Variants in PPP3R1 observed in about 807,000 individuals in gnomAD.
PPP3R1 encodes the protein protein phosphatase 3 regulatory subunit B, alpha.
In PPP3R1, 5 loss-of-function variants were observed where a neutral mutation model predicts 22.6. That is an observed-to-expected ratio of 0.22 (90% confidence interval 0.12 to 0.46). PPP3R1 has a LOEUF of 0.46. Ranked by LOEUF, PPP3R1 falls within the 20% of genes least tolerant of loss-of-function variation. PPP3R1 has a pLI of 0.99. For missense variants in PPP3R1, 61 were observed against 203.2 expected (o/e 0.30, Z 4.25); for synonymous variants, 56 against 65.2 (o/e 0.86, Z 0.68).
chr2:68,184,731 A>G (rs758777861), intron 5 of PPP3R1, among the ~76,000 whole-genome samples: 1 of 152,226 alleles, frequency 6.6e-6, no homozygotes, highest in Non-Finnish European at 1.5e-5. Flanking sequence ...TAAAAACACA[A>G]CGAACATTTT....
At chr2:68,210,564 T>C (rs942462109) in intron 2 of PPP3R1, among the ~76,000 whole-genome samples, 2 of 152,230 alleles carry the variant, frequency 1.3e-5, no homozygotes, top group African/African-American at 4.8e-5. Flanking sequence ...AGATTTCCAT[T>C]ACTTTGAAAG....
At chr2:68,217,560 G>C (rs1422009739) in intron 1 of PPP3R1, among the ~76,000 whole-genome samples, 1 of 151,936 alleles carries the variant, frequency 6.6e-6, no homozygotes, top group East Asian at 1.9e-4. Context: ...AAAATGAGCT[G>C]TTAAAAACAA....
intron 1 of PPP3R1, among the ~76,000 whole-genome samples, chr2:68,225,754 G>A (rs574072936): frequency 6.6e-6 from 1 of 152,286 alleles, no homozygotes; most frequent in South Asian, 2.1e-4. Flanking sequence ...AAGATGTAGA[G>A]CAAATGAAAA....
intron 2 of PPP3R1, among the ~76,000 whole-genome samples, chr2:68,194,880 A>T (rs1674736731): frequency 6.6e-6 from 1 of 152,154 alleles, no homozygotes; most frequent in Non-Finnish European, 1.5e-5. Context: ...TAGCTACTTT[A>T]CAAATAACTT....
At chr2:68,210,894 A>C (rs1055746107) in intron 2 of PPP3R1, among the ~76,000 whole-genome samples, 2 of 152,190 alleles carry the variant, frequency 1.3e-5, no homozygotes, top group African/African-American at 4.8e-5. Flanking sequence ...AAATTTTTAG[A>C]TTTGGGATGC....
intron 1 of PPP3R1, among the ~76,000 whole-genome samples, chr2:68,223,876 A>T (rs541187352): frequency 6.6e-6 from 1 of 152,244 alleles, no homozygotes; most frequent in African/African-American, 2.4e-5. Context: ...AGATGACATA[A>T]TTGTGTATGT....
At chr2:68,236,091 T>C (rs1670014282) in intron 1 of PPP3R1, among the ~76,000 whole-genome samples, 2 of 151,008 alleles carry the variant, frequency 1.3e-5, no homozygotes, top group African/African-American at 2.4e-5. Flanking sequence ...AAATTTCTTA[T>C]CAGATAACGA....
intron 2 of PPP3R1, among the ~76,000 whole-genome samples, chr2:68,189,638 T>G (rs896530657): frequency 2.0e-5 from 3 of 152,124 alleles, no homozygotes; most frequent in Non-Finnish European, 1.5e-5. Flanking sequence ...GAGGCCAATG[T>G]GGGCAGATTA....
intron 1 of PPP3R1, among the ~76,000 whole-genome samples, chr2:68,247,552 A>G (rs567946632): frequency 6.6e-6 from 1 of 152,334 alleles, no homozygotes; most frequent in Non-Finnish European, 1.5e-5. Flanking sequence ...GCAACATAGC[A>G]TCCCAAGCAC....
Position 68,180,838 on chromosome 2 carries a change from A to G in PPP3R1, c.*125T>C. 1 of 975,416 alleles carries G rather than the reference A, an allele frequency of 1.0e-6. No homozygotes were observed. Among genetic ancestry groups the G allele is most frequent in the Non-Finnish European group, 1.5e-6 (1 of 646,994 alleles). 60.4% of individuals were successfully genotyped at this position (975,416 alleles called of 1,614,324 possible). A position where few individuals can be genotyped will look rare whatever the true frequency, so the allele number is the denominator to read the frequency against. ...TTGGCTTCATGAGGCTCATGTTGGA[A>G]AATGTGGCTTCACAGAGAAAAATAC... On this transcript the variant is annotated 3_prime_UTR_variant, in exon 6 of 6. Coordinates refer to ENST00000234310, the MANE Select transcript of PPP3R1 (RefSeq NM_000945.4).
intron 2 of PPP3R1, among the ~76,000 whole-genome samples, chr2:68,213,202 T>C (rs912581395): frequency 1.3e-5 from 2 of 152,264 alleles, no homozygotes; most frequent in African/African-American, 2.4e-5. Flanking sequence ...TCTTGGCTAA[T>C]TGTGTGGCAC....
intron 2 of PPP3R1, among the ~76,000 whole-genome samples, chr2:68,194,463 T>C (rs1353181310): frequency 1.3e-5 from 2 of 152,142 alleles, no homozygotes; most frequent in Non-Finnish European, 2.9e-5. Flanking sequence ...GACATATTAA[T>C]ACTGCAGCAA....
Position 68,202,792 on chromosome 2 carries a change from ATT to A in PPP3R1, c.44-14104_44-14103del, listed in dbSNP as rs71395958. 5.5e-3 allele frequency among the ~76,000 whole-genome samples: 444 copies of A among 81,138 alleles called. 1 individual carries two copies. Among genetic ancestry groups the A allele is most frequent in the African/African-American group, 0.024 (390 of 16,110 alleles). 53.2% of individuals were successfully genotyped at this position (81,138 alleles called of 152,430 possible). ...TAATATATACTAGAGAGTTCAGGGA[ATT>A]TTTTTTTTTTTTTTTTTTTTTTTTT... On this transcript the variant is annotated intron_variant, in intron 2 of 5. Transcript: ENST00000234310.
At chr2:68,198,038 C>T (rs1213916440) in intron 2 of PPP3R1, among the ~76,000 whole-genome samples, 1 of 116,362 alleles carries the variant, frequency 8.6e-6, no homozygotes, top group Non-Finnish European at 1.7e-5. Context: ...GTTGAAAAGG[C>T]TCCCTTTACA....
intron 5 of PPP3R1, among the ~76,000 whole-genome samples, chr2:68,182,688 T>C (rs2103713191): frequency 6.9e-6 from 1 of 144,440 alleles, no homozygotes; most frequent in African/African-American, 2.6e-5. Context: ...TTAGGCGGCA[T>C]GACTCCAGCC....
rs140961325 is a variant in PPP3R1, at chr2:68,208,076, C to G, written c.43+9016G>C. ...GAGGCTGAGAGAGAACTGCTTAAAC[C>G]CAGGAGGTGGAGGTTGCAGTGAGCC... On this transcript the variant is annotated intron_variant, in intron 2 of 5. Transcript: ENST00000234310. Among the ~76,000 whole-genome samples, 344 of 152,166 alleles carry G rather than the reference C, an allele frequency of 2.3e-3. 3 individuals are homozygous for G. Among genetic ancestry groups the G allele is most frequent in the African/African-American group, 8.1e-3 (336 of 41,480 alleles).
intron 1 of PPP3R1, among the ~76,000 whole-genome samples, chr2:68,247,318 T>C (rs921406537): frequency 4.7e-5 from 7 of 149,548 alleles, no homozygotes; most frequent in Admixed American, 2.7e-4. Flanking sequence ...CCCAAAACCT[T>C]CTTCTCCTAC....
intron 5 of PPP3R1, among the ~76,000 whole-genome samples, chr2:68,182,304 G>A (rs1309954929): frequency 6.6e-6 from 1 of 152,022 alleles, no homozygotes; most frequent in African/African-American, 2.4e-5. Context: ...TACAACTCCT[G>A]CTGTGGGAAA....
intron 1 of PPP3R1, among the ~76,000 whole-genome samples, chr2:68,239,988 G>A (rs1273632604): frequency 1.3e-5 from 2 of 152,154 alleles, no homozygotes. Flanking sequence ...TACAAAACAG[G>A]CTTTGTGTTA....
Sources: gnomAD v4.1 joint callset for allele counts (sites outside exome capture counted in the v4.1 genomes callset) on GRCh38, gnomAD v4.1.1 for gene constraint, MANE v1.5 for transcripts, NCBI Gene and HGNC (gene_info 2026-07-23, HGNC 2026-07-21) for gene names.